Variants in EDARADD observed in about 807,000 individuals in gnomAD.
EDARADD encodes the protein EDAR associated via death domain, also known as ectodysplasin-A receptor-associated adapter protein.
Under a neutral mutation model 25.6 loss-of-function variants are expected in EDARADD, and 20 were observed. The observed-to-expected ratio is 0.78, with a 90% CI of 0.55 to 1.14. The LOEUF is 1.14. EDARADD is among the 50% of genes most tolerant of loss of function. EDARADD has a pLI of 0.00. For synonymous variants in EDARADD, 86 were observed against 94.4 expected, an observed-to-expected ratio of 0.91 and a Z score of 0.52; for missense variants, 225 against 270.1, an observed-to-expected ratio of 0.83 and a Z score of 1.17.
At position 236,398,781 on chromosome 1, in the gene EDARADD, C is replaced by T. The variant is rs1667565308; in HGVS notation, c.61+4276C>T. Reference sequence around the variant, plus strand: ...GATCCAGCCCGATGTTATACATGCTCAGCAAACCCTGTACCTTTCCTTTCT... The same window carrying T: ...GATCCAGCCCGATGTTATACATGCTTAGCAAACCCTGTACCTTTCCTTTCT... On this transcript the variant is annotated intron_variant, in intron 1 of 5. Transcript: ENST00000334232. The surrounding 1 kb of genome is among the most constrained non-coding windows in gnomAD (Gnocchi z 4.1). Among the ~76,000 whole-genome samples, 1 of 152,228 alleles carries T rather than the reference C, an allele frequency of 6.6e-6. No individual in the cohort carries two copies. Among genetic ancestry groups the T allele is most frequent in the Non-Finnish European group, 1.5e-5 (1 of 68,038 alleles).
intron 4 of EDARADD, among the ~76,000 whole-genome samples, chr1:236,434,235 ATTTTTTTGCTT>A (rs1658182224): frequency 6.6e-6 from 1 of 150,648 alleles, no homozygotes; most frequent in Non-Finnish European, 1.5e-5. Context: ...AACATTATGA[ATTTTTTTGCTT>A]TTTTTTTTTG....
chr1:236,405,763 T>C (rs1432584923), intron 1 of EDARADD, among the ~76,000 whole-genome samples: 4 of 57,798 alleles, frequency 6.9e-5, no homozygotes, highest in Non-Finnish European at 1.6e-4. Flanking sequence ...CTTTCTTTCT[T>C]TCTTTCTTTC....
chr1:236,476,272 A>G (rs1310092097), intron 5 of EDARADD, among the ~76,000 whole-genome samples: 1 of 152,122 alleles, frequency 6.6e-6, no homozygotes, highest in Admixed American at 6.5e-5. Context: ...TTTCTTCTTG[A>G]CGATAACATT....
At chr1:236,380,775 A>G (rs980618814) in intron 3 of EDARADD, among the ~76,000 whole-genome samples, 9 of 152,170 alleles carry the variant, frequency 5.9e-5, no homozygotes, top group Non-Finnish European at 2.9e-5. Context: ...TGCAGTGGCT[A>G]TTCACAGGTG....
intron 3 of EDARADD, among the ~76,000 whole-genome samples, chr1:236,373,920 G>A (rs1325529338): frequency 6.6e-6 from 1 of 152,132 alleles, no homozygotes; most frequent in Non-Finnish European, 1.5e-5. Context: ...CTTGATCCAT[G>A]TGTTATTCAG....
At chr1:236,478,922 A>G (rs569290002) in intron 5 of EDARADD, among the ~76,000 whole-genome samples, 77 of 152,256 alleles carry the variant, frequency 5.1e-4, no homozygotes, top group African/African-American at 1.7e-3. Context: ...CAGGAATGGA[A>G]AACCAAACAT....
chr1:236,412,851 A>G (rs1319548912), intron 2 of EDARADD, among the ~76,000 whole-genome samples: 1 of 152,176 alleles, frequency 6.6e-6, no homozygotes, highest in Non-Finnish European at 1.5e-5. Context: ...GAGGAAATAG[A>G]CAAGTACTGT....
intron 4 of EDARADD, among the ~76,000 whole-genome samples, chr1:236,456,056 A>C (rs566310797): frequency 2.0e-5 from 3 of 152,112 alleles, no homozygotes; most frequent in Admixed American, 6.5e-5. Flanking sequence ...CCCAAAGTAC[A>C]GGGATTATAG....
At chr1:236,369,778 G>A (rs1334393330) in intron 3 of EDARADD, among the ~76,000 whole-genome samples, 7 of 152,190 alleles carry the variant, frequency 4.6e-5, no homozygotes, top group Middle Eastern at 3.4e-3. Flanking sequence ...GTGGAGGTTC[G>A]GTGAGCCGAG....
At chr1:236,473,556 T>C (rs1659418021) in intron 5 of EDARADD, among the ~76,000 whole-genome samples, 2 of 152,160 alleles carry the variant, frequency 1.3e-5, no homozygotes, top group African/African-American at 2.4e-5. Flanking sequence ...TGTAGGTGGA[T>C]TGCTTGAGTC....
intron 4 of EDARADD, 47 bp from the exon 5 acceptor site, chr1:236,468,184 T>C (rs1659266425): frequency 8.2e-6 from 13 of 1,577,366 alleles, no homozygotes; most frequent in Non-Finnish European, 1.0e-5. Context: ...AATATCTCCA[T>C]TCACATTTGG....
chr1:236,461,806 T>C (rs1329972146), intron 4 of EDARADD, among the ~76,000 whole-genome samples: 3 of 152,146 alleles, frequency 2.0e-5, no homozygotes, highest in African/African-American at 7.2e-5. Context: ...ATCCTCCCCA[T>C]AGTTTGCAAA....
intron 3 of EDARADD, among the ~76,000 whole-genome samples, chr1:236,373,748 T>G (rs1667196530): frequency 6.6e-6 from 1 of 152,170 alleles, no homozygotes; most frequent in African/African-American, 2.4e-5. Flanking sequence ...AGTGGAAGCA[T>G]AGACTATTGA....
At chr1:236,437,954 G>T (rs1158350588) in intron 4 of EDARADD, among the ~76,000 whole-genome samples, 1 of 152,012 alleles carries the variant, frequency 6.6e-6, no homozygotes, top group Non-Finnish European at 1.5e-5. Flanking sequence ...CACCCTGTTG[G>T]CTAGGCTGGT....
intron 1 of EDARADD, among the ~76,000 whole-genome samples, chr1:236,394,929 C>T (rs1667486123): frequency 6.6e-6 from 1 of 152,202 alleles, no homozygotes; most frequent in Non-Finnish European, 1.5e-5. Flanking sequence ...TATTGGGCGA[C>T]TTCTGTTCAC....
chr1:236,389,572 C>A (rs986389791), upstream of EDARADD, among the ~76,000 whole-genome samples: 1 of 152,200 alleles, frequency 6.6e-6, no homozygotes, highest in Non-Finnish European at 1.5e-5. Flanking sequence ...AAACAGAAAT[C>A]AAATCAGCAC....
At chr1:236,360,540 T>TG (rs1667034022) in intron 3 of EDARADD, among the ~76,000 whole-genome samples, 1 of 61,852 alleles carries the variant, frequency 1.6e-5, no homozygotes, top group Non-Finnish European at 3.1e-5. Flanking sequence ...ATTCACGGTT[T>TG]TTTTTTTTTT....
intron 4 of EDARADD, among the ~76,000 whole-genome samples, chr1:236,467,380 C>G (rs1659226006): frequency 6.6e-6 from 1 of 151,418 alleles, no homozygotes; most frequent in Non-Finnish European, 1.5e-5. Context: ...CGAAGGTGTA[C>G]TGGGACTGGT....
At chr1:236,393,454 G>T (rs555796557), upstream of EDARADD, among the ~76,000 whole-genome samples, 17 of 124,908 alleles carry the variant, frequency 1.4e-4, no homozygotes, top group African/African-American at 4.1e-4. Flanking sequence ...GGAGTGCCGT[G>T]GTGCAATCTC....
Sources: allele counts gnomAD v4.1 joint callset (sites outside exome capture counted in the v4.1 genomes callset), GRCh38; gene constraint gnomAD v4.1.1; non-coding constraint Gnocchi (gnomAD v3.1); transcripts MANE v1.5; gene names NCBI Gene and HGNC (gene_info 2026-07-23, HGNC 2026-07-21).